Variants in TECRL observed in about 807,000 individuals in gnomAD.
TECRL encodes trans-2,3-enoyl-CoA reductase-like.
A neutral mutation model predicts 52.8 loss-of-function variants in TECRL; 63 were observed. That is an observed-to-expected ratio of 1.19 (90% CI 0.97 to 1.47). The LOEUF (loss-of-function observed/expected upper bound fraction) is 1.47. Ranked by LOEUF, TECRL falls within the 40% of genes most tolerant of loss-of-function variation. The pLI, the probability that TECRL is intolerant of heterozygous loss-of-function variation, is 0.00. For missense variants in TECRL, 482 were observed against 429.6 expected (o/e 1.12, Z -1.08); for synonymous variants, 164 against 141.9 (o/e 1.16, Z -1.10).
chr4:64,333,154 T>C lies in TECRL; in HGVS notation c.287-4598A>G, dbSNP rs1335561905. Among the ~76,000 whole-genome samples, 7 of 151,822 alleles carry C rather than the reference T, an allele frequency of 4.6e-5. 1 individual carries two copies. In the South Asian group the frequency reaches 1.5e-3, roughly 32 times the overall value. ...ATAATTGCTAAACCATTTGAAACAA[T>C]AATAGAAAAATATTTTTAAAAAACA... is the stretch of plus-strand genomic sequence containing the variant. On this transcript the variant is annotated intron_variant, in intron 2 of 11. Transcript: ENST00000381210.
At chr4:64,366,149 C>T (rs142469124) in intron 2 of TECRL, among the ~76,000 whole-genome samples, 130 of 152,158 alleles carry the variant, frequency 8.5e-4, no homozygotes, top group African/African-American at 3.1e-3. Context: ...ACTCCCCATT[C>T]AATAAACGGC....
intron 1 of TECRL, among the ~76,000 whole-genome samples, chr4:64,398,594 G>C (rs930256149): frequency 6.6e-6 from 1 of 152,062 alleles, no homozygotes; most frequent in African/African-American, 2.4e-5. Flanking sequence ...TATACTTCCT[G>C]TACGGCCCAC....
At chr4:64,327,541 A>G (rs1718344967) in intron 3 of TECRL, among the ~76,000 whole-genome samples, 1 of 152,068 alleles carries the variant, frequency 6.6e-6, no homozygotes, top group African/African-American at 2.4e-5. Flanking sequence ...ATGAGACAAT[A>G]ATTTGTCTTT....
At chr4:64,381,428 AT>A (rs1722785648) in intron 1 of TECRL, among the ~76,000 whole-genome samples, 1 of 145,752 alleles carries the variant, frequency 6.9e-6, no homozygotes, top group African/African-American at 2.5e-5. Flanking sequence ...TTCCTGTACT[AT>A]GTTGAATAAG....
chr4:64,301,619 A>G (rs1415808716), intron 7 of TECRL, among the ~76,000 whole-genome samples: 1 of 151,266 alleles, frequency 6.6e-6, no homozygotes. Context: ...ATACAGATCT[A>G]TGTAGTATTT....
At chr4:64,376,879 C>G (rs371124013) in intron 1 of TECRL, among the ~76,000 whole-genome samples, 1 of 151,868 alleles carries the variant, frequency 6.6e-6, no homozygotes, top group Non-Finnish European at 1.5e-5. Context: ...CACCACAGAG[C>G]ATATAATAAG....
At chr4:64,293,887 T>C (rs953079482) in intron 8 of TECRL, among the ~76,000 whole-genome samples, 1 of 151,472 alleles carries the variant, frequency 6.6e-6, no homozygotes, top group Non-Finnish European at 1.5e-5. Context: ...GAAAATGATG[T>C]TTTATCTTTT....
intron 2 of TECRL, among the ~76,000 whole-genome samples, chr4:64,367,338 G>A (rs1721670314): frequency 6.6e-6 from 1 of 151,882 alleles, no homozygotes; most frequent in East Asian, 1.9e-4. Flanking sequence ...CCAACAACAA[G>A]CAATTTACTC....
At chr4:64,376,551 A>G (rs1722410160) in intron 1 of TECRL, among the ~76,000 whole-genome samples, 1 of 151,922 alleles carries the variant, frequency 6.6e-6, no homozygotes, top group African/African-American at 2.4e-5. Context: ...ATATTGTTTT[A>G]ACAGTGTCCG....
At chr4:64,388,220 C>CTTTTTTTTT (rs3045235) in intron 1 of TECRL, among the ~76,000 whole-genome samples, 1 of 127,120 alleles carries the variant, frequency 7.9e-6, no homozygotes, top group Non-Finnish European at 1.6e-5. Context: ...AGTCTAAATC[C>CTTTTTTTTT]TTTTTTTTTT....
At chr4:64,314,797 A>C in intron 4 of TECRL, 34 bp from the exon 5 acceptor site, 1 of 1,444,786 alleles carries the variant, frequency 6.9e-7, no homozygotes, top group Non-Finnish European at 9.7e-7. Context: ...TTAAACGATA[A>C]AAATAGATGT....
chr4:64,292,004 T>G (rs1723417103), intron 8 of TECRL, among the ~76,000 whole-genome samples: 1 of 152,004 alleles, frequency 6.6e-6, no homozygotes, highest in Non-Finnish European at 1.5e-5. Flanking sequence ...AATTTCCATT[T>G]TAAGCACTGG....
intron 1 of TECRL, among the ~76,000 whole-genome samples, chr4:64,393,706 T>C (rs1723716091): frequency 6.6e-6 from 1 of 151,756 alleles, no homozygotes. Context: ...AATATATTTA[T>C]TGTTAATACA....
chr4:64,296,542 T>C (rs1313981137), intron 8 of TECRL, among the ~76,000 whole-genome samples: 1 of 151,788 alleles, frequency 6.6e-6, no homozygotes, highest in South Asian at 2.1e-4. Flanking sequence ...TTTCTTCCAC[T>C]TCCTTCATTT....
At chr4:64,295,490 C>A (rs1723628296) in intron 8 of TECRL, among the ~76,000 whole-genome samples, 1 of 151,144 alleles carries the variant, frequency 6.6e-6, no homozygotes, top group African/African-American at 2.4e-5. Context: ...TTGGAAATAT[C>A]AGAATTATTT....
intron 2 of TECRL, among the ~76,000 whole-genome samples, chr4:64,338,667 C>T (rs1348565073): frequency 6.6e-6 from 1 of 152,168 alleles, no homozygotes; most frequent in Non-Finnish European, 1.5e-5. Flanking sequence ...ATGCATTCAA[C>T]AGACACATGA....
chr4:64,385,437 C>A (rs915894870), intron 1 of TECRL, among the ~76,000 whole-genome samples: 1 of 152,104 alleles, frequency 6.6e-6, no homozygotes, highest in African/African-American at 2.4e-5. Context: ...GGAGTGTGTA[C>A]TTTAACTCTC....
At chr4:64,353,222 C>T (rs778412175) in intron 2 of TECRL, among the ~76,000 whole-genome samples, 5 of 152,028 alleles carry the variant, frequency 3.3e-5, no homozygotes, top group Non-Finnish European at 7.4e-5. Flanking sequence ...TAATAAATAC[C>T]ATGCTGTTAA....
At chr4:64,328,393 G>A (rs566207564) in intron 3 of TECRL, 119 bp downstream of exon 3, 22 of 741,664 alleles carry the variant, frequency 3.0e-5, no homozygotes, top group Admixed American at 2.2e-4. Context: ...TTTGTTGGGC[G>A]AATCAATTAA....
Sources: gnomAD v4.1 joint callset for allele counts (sites outside exome capture counted in the v4.1 genomes callset) on GRCh38, gnomAD v4.1.1 for gene constraint, MANE v1.5 for transcripts, NCBI Gene and HGNC (gene_info 2026-07-23, HGNC 2026-07-21) for gene names.